ZNF469: variants seen among roughly 807,000 people sequenced by gnomAD.
ZNF469 encodes zinc finger protein 469.
In ZNF469, 1 loss-of-function variant was observed where a neutral mutation model predicts 1.0. The ratio of observed to expected loss-of-function variants is 1.00; its 90% CI spans 0.35 to 4.73. The LOEUF (loss-of-function observed/expected upper bound fraction) is 4.73, where lower values mean the gene tolerates loss of function less well. Among genes scored for constraint, ZNF469 ranks in the 30% most tolerant of loss-of-function variants. The pLI is 0.16. For missense variants in ZNF469, 6,100 were observed against 5,356.3 expected, an observed-to-expected ratio of 1.14 and a Z score of -4.33; for synonymous variants, 2,703 against 2,363.4, an observed-to-expected ratio of 1.14 and a Z score of -4.17.
the ZNF469 span, among the ~76,000 whole-genome samples, chr16:88,317,389 G>T: frequency 2.0e-5 from 3 of 152,214 alleles, no homozygotes; most frequent in East Asian, 3.9e-4. Flanking sequence ...GGGACCCTGT[G>T]CATTTTCACC....
chr16:88,214,750 G>A, the ZNF469 span, among the ~76,000 whole-genome samples: 1 of 152,052 alleles, frequency 6.6e-6, no homozygotes, highest in African/African-American at 2.4e-5. Flanking sequence ...GAGAACATGC[G>A]GTGTTTGGTT....
the ZNF469 span, among the ~76,000 whole-genome samples, chr16:88,218,772 A>C: frequency 6.6e-6 from 1 of 152,048 alleles, no homozygotes; most frequent in African/African-American, 2.4e-5. Context: ...GGCCAGGGCA[A>C]TTAGGCAGGA....
the ZNF469 span, among the ~76,000 whole-genome samples, chr16:88,161,275 C>T: frequency 1.3e-5 from 2 of 152,082 alleles, no homozygotes; most frequent in African/African-American, 2.4e-5. Context: ...GTTAAAACAA[C>T]GTTCTCCCTA....
the ZNF469 span, among the ~76,000 whole-genome samples, chr16:88,128,432 T>G: frequency 0.22 from 33,413 of 152,184 alleles, 3,989 homozygotes; most frequent in East Asian, 0.46. Context: ...TATTATTTTT[T>G]GCTGTTCTCA....
the ZNF469 span, among the ~76,000 whole-genome samples, chr16:88,325,348 G>A: frequency 2.6e-5 from 4 of 152,208 alleles, no homozygotes; most frequent in Admixed American, 2.6e-4. Flanking sequence ...CTGCACAATT[G>A]GTGGCCAGCT....
chr16:88,225,104 G>A, the ZNF469 span, among the ~76,000 whole-genome samples: 122 of 152,348 alleles, frequency 8.0e-4, no homozygotes, highest in African/African-American at 2.8e-3. Context: ...CGGGCGCCTG[G>A]CGCAGGGATC....
chr16:88,227,983 G>C, the ZNF469 span, among the ~76,000 whole-genome samples: 1 of 152,186 alleles, frequency 6.6e-6, no homozygotes, highest in Admixed American at 6.5e-5. Context: ...ACCCAGCCAG[G>C]CTCCGCATCC....
At chr16:88,380,328 C>G (rs1418925460), upstream of ZNF469, among the ~76,000 whole-genome samples, 1 of 122,512 alleles carries the variant, frequency 8.2e-6, no homozygotes, top group African/African-American at 4.3e-5. Context: ...CTCACACATG[C>G]ACTCACACAT....
At chr16:88,149,299 A>G in the ZNF469 span, among the ~76,000 whole-genome samples, 12 of 152,164 alleles carry the variant, frequency 7.9e-5, no homozygotes, top group African/African-American at 2.9e-4. Flanking sequence ...TCACTCGGCC[A>G]GAGATAATTC....
At chr16:88,255,325 A>C in the ZNF469 span, among the ~76,000 whole-genome samples, 1,299 of 152,360 alleles carry the variant, frequency 8.5e-3, 22 homozygotes, top group African/African-American at 0.03. Context: ...AAGGAAACTC[A>C]ATAGTAATGA....
At chr16:88,240,872 C>A in the ZNF469 span, among the ~76,000 whole-genome samples, 1 of 152,140 alleles carries the variant, frequency 6.6e-6, no homozygotes, top group Non-Finnish European at 1.5e-5. Context: ...TCAGTGTGCC[C>A]CAGCCTGCAC....
chr16:88,303,960 C>T, the ZNF469 span, among the ~76,000 whole-genome samples: 1 of 152,200 alleles, frequency 6.6e-6, no homozygotes, highest in African/African-American at 2.4e-5. Flanking sequence ...GGGGGCTGCT[C>T]CTGCTTCCTC....
At chr16:88,316,366 A>C in the ZNF469 span, among the ~76,000 whole-genome samples, 1 of 152,034 alleles carries the variant, frequency 6.6e-6, no homozygotes, top group Non-Finnish European at 1.5e-5. Flanking sequence ...CCAGCCTTGC[A>C]TCCAGCTCAC....
chr16:88,139,740 T>C, the ZNF469 span, among the ~76,000 whole-genome samples: 5,774 of 151,946 alleles, frequency 0.038, 392 homozygotes, highest in African/African-American at 0.13. Context: ...AATTGCTGTC[T>C]GTCCAGGCTT....
At position 88,430,712 on chromosome 16, in the gene ZNF469, G is replaced by A. The variant is rs772048474; in HGVS notation, c.3242G>A (p.Arg1081Gln). ...RCGSLAAGRPRPGAEDRRLRE... is the reference protein window; with the variant it reads ...RCGSLAAGRPQPGAEDRRLRE... Reference sequence around the variant, plus strand: ...GGCTCCCTGGCGGCGGGGAGGCCCCGGCCCGGAGCTGAGGACCGCAGGCTC... The same window carrying A: ...GGCTCCCTGGCGGCGGGGAGGCCCCAGCCCGGAGCTGAGGACCGCAGGCTC... The change falls in exon 3 of 3, where the codon CGG (arginine) becomes CAG (glutamine). Residue 1081 changes from arginine (R) to glutamine (Q), a missense_variant. Physicochemically the swap from Arg to Gln is conservative, Grantham distance 43. Transcript: ENST00000565624. 6 of 1,479,448 alleles carry A rather than the reference G, an allele frequency of 4.1e-6. No homozygotes were observed. The highest frequency in any genetic ancestry group is 5.4e-5 in the East Asian group (2 of 36,974). 91.6% of individuals were successfully genotyped at this position (1,479,448 alleles called of 1,614,324 possible). A position where few individuals can be genotyped will look rare whatever the true frequency, so the allele number is the denominator to read the frequency against.
At chr16:88,365,954 C>G in the ZNF469 span, among the ~76,000 whole-genome samples, 431 of 152,306 alleles carry the variant, frequency 2.8e-3, 1 homozygote, top group African/African-American at 1.0e-2. Context: ...TGACAGTGCC[C>G]CCTGCAGAAA....
At chr16:88,188,233 A>G in the ZNF469 span, among the ~76,000 whole-genome samples, 3 of 151,806 alleles carry the variant, frequency 2.0e-5, no homozygotes, top group Admixed American at 6.6e-5. Context: ...GTGACACCCC[A>G]ACACCTCCTC....
At chr16:88,252,931 T>C in the ZNF469 span, among the ~76,000 whole-genome samples, 1 of 152,226 alleles carries the variant, frequency 6.6e-6, no homozygotes, top group African/African-American at 2.4e-5. Context: ...TGCCTTTTCT[T>C]GAACTTCCTT....
At chr16:88,296,716 AC>A in the ZNF469 span, among the ~76,000 whole-genome samples, 1 of 151,464 alleles carries the variant, frequency 6.6e-6, no homozygotes, top group Non-Finnish European at 1.5e-5. Context: ...ATGCTCTCAC[AC>A]ATTCGCCCAT....
Sources: gnomAD v4.1 joint callset for allele counts (sites outside exome capture counted in the v4.1 genomes callset) on GRCh38, gnomAD v4.1.1 for gene constraint, MANE v1.5 for transcripts, NCBI Gene and HGNC (gene_info 2026-07-23, HGNC 2026-07-21) for gene names.